LPP: variants seen among roughly 807,000 people sequenced by gnomAD.
LPP encodes lipoma-preferred partner.
In LPP, 38 loss-of-function variants were observed where a neutral mutation model predicts 60.4. That is an observed-to-expected ratio of 0.63 (90% CI 0.49 to 0.83). LPP has a LOEUF of 0.83. Among genes scored for constraint, LPP ranks in the 40% least tolerant of loss-of-function variants. The pLI is 0.00. For missense variants in LPP, 902 were observed against 783.6 expected (o/e 1.15, Z -1.80); for synonymous variants, 328 against 290.8 (o/e 1.13, Z -1.30).
chr3:188,584,173 C>T lies in LPP; in HGVS notation c.430-24988C>T, dbSNP rs138833526. 1.6e-3 allele frequency among the ~76,000 whole-genome samples: 247 copies of T among 152,246 alleles called. 3 individuals carry two copies. Among genetic ancestry groups the T allele is most frequent in the African/African-American group, 5.6e-3 (233 of 41,534 alleles). ...GACAAACATTCATGGAGAGCTACTT[C>T]ATTTTTCTGTCAAGCTTTTGGGGGA... On this transcript the variant is annotated intron_variant, in intron 6 of 11. Coordinates refer to ENST00000617246, the MANE Select transcript of LPP (RefSeq NM_001375462.1).
chr3:188,580,741 A>C (rs181828070), intron 6 of LPP, among the ~76,000 whole-genome samples: 71 of 152,348 alleles, frequency 4.7e-4, no homozygotes, highest in African/African-American at 1.6e-3. Flanking sequence ...ATAGTGCCAG[A>C]AAAACAGAAT....
chr3:188,209,872 A>G (rs1734241620), intron 1 of LPP, among the ~76,000 whole-genome samples: 1 of 152,232 alleles, frequency 6.6e-6, no homozygotes, highest in Non-Finnish European at 1.5e-5. Flanking sequence ...GCTTAGCAGT[A>G]ACACACTGGA....
chr3:188,829,010 G>A (rs954245203), intron 9 of LPP, among the ~76,000 whole-genome samples: 1 of 151,976 alleles, frequency 6.6e-6, no homozygotes, highest in Non-Finnish European at 1.5e-5. Context: ...ACTAGATTGT[G>A]ATCTTTTATC....
chr3:188,681,289 C>T (rs557158914), intron 7 of LPP, among the ~76,000 whole-genome samples: 3 of 152,268 alleles, frequency 2.0e-5, no homozygotes, highest in East Asian at 1.9e-4. Context: ...CCACCGCACC[C>T]GGCCGCATTT....
chr3:188,878,598 C>T lies in LPP; in HGVS notation c.*4119C>T, dbSNP rs942518569. The T allele has an allele frequency of 3.3e-5, 7 of 209,124 alleles. No homozygotes were observed. The highest frequency in any genetic ancestry group is 4.9e-5 in the Non-Finnish European group (5 of 102,630). The allele number at this position is 209,124 out of a possible 1,614,324, so 13.0% of individuals were successfully genotyped here. A position where few individuals can be genotyped will look rare whatever the true frequency, so the allele number is the denominator to read the frequency against. ...CTCAAGTCCATTTCTTGGGATCGCT[C>T]GTTTGGTGCACTCTCGTGGGAGACA... On this transcript the variant is annotated 3_prime_UTR_variant, in exon 12 of 12. Coordinates refer to ENST00000617246, the MANE Select transcript of LPP (RefSeq NM_001375462.1).
At chr3:188,592,557 G>GTTTGTTTTTGTTTTTTTTTTTTTT (rs1260656926) in intron 6 of LPP, among the ~76,000 whole-genome samples, 7 of 85,756 alleles carry the variant, frequency 8.2e-5, no homozygotes, top group African/African-American at 3.2e-4. Context: ...TTTTGTTTTT[G>GTTTGTTTTTGTTTTTTTTTTTTTT]TTTTTTAAAT....
At chr3:188,247,212 G>A (rs1324055887) in intron 2 of LPP, 2 of 979,762 alleles carry the variant, frequency 2.0e-6, no homozygotes, top group South Asian at 4.7e-5. Flanking sequence ...AGGGTTCTGT[G>A]AGTAGTACAA....
At chr3:188,444,883 A>C (rs1259613910) in intron 4 of LPP, among the ~76,000 whole-genome samples, 1 of 152,250 alleles carries the variant, frequency 6.6e-6, no homozygotes, top group African/African-American at 2.4e-5. Flanking sequence ...AATATGGAAA[A>C]AAAACCTCAC....
At chr3:188,441,826 G>A (rs1401496790) in intron 4 of LPP, among the ~76,000 whole-genome samples, 8 of 151,264 alleles carry the variant, frequency 5.3e-5, no homozygotes, top group Admixed American at 5.3e-4. Flanking sequence ...GGGTTTCACC[G>A]TGTTAGCCAG....
chr3:188,359,629 C>T (rs562056226), intron 3 of LPP, among the ~76,000 whole-genome samples: 1 of 152,262 alleles, frequency 6.6e-6, no homozygotes, highest in African/African-American at 2.4e-5. Context: ...CTCAACTACC[C>T]AGTGGAGTCA....
intron 6 of LPP, among the ~76,000 whole-genome samples, chr3:188,602,175 ATT>A (rs1491575763): frequency 5.4e-4 from 53 of 98,044 alleles, no homozygotes; most frequent in African/African-American, 1.6e-3. Flanking sequence ...ATATATATAT[ATT>A]ATATATATAT....
At chr3:188,223,918 T>A (rs1295053033) in intron 1 of LPP, among the ~76,000 whole-genome samples, 2 of 152,202 alleles carry the variant, frequency 1.3e-5, no homozygotes, top group African/African-American at 2.4e-5. Flanking sequence ...AGAATTCCAA[T>A]GTCCTTGAAG....
intron 2 of LPP, among the ~76,000 whole-genome samples, chr3:188,252,170 C>CATATATATATAT (rs10609191): frequency 4.2e-4 from 43 of 101,884 alleles, no homozygotes; most frequent in Admixed American, 1.3e-3. Flanking sequence ...CTTCCCCAAA[C>CATATATATATAT]ATATATATAT....
At chr3:188,428,395 CT>C (rs1415451658) in intron 4 of LPP, among the ~76,000 whole-genome samples, 1 of 152,048 alleles carries the variant, frequency 6.6e-6, no homozygotes, top group African/African-American at 2.4e-5. Flanking sequence ...TTTTCTTTTA[CT>C]TTGGGACTTG....
At chr3:188,697,722 A>C (rs4686993) in intron 7 of LPP, among the ~76,000 whole-genome samples, 147,268 of 152,278 alleles carry the variant, frequency 0.97, 71,361 homozygotes, top group Middle Eastern at 1. Context: ...ACTCAAATTA[A>C]TCATAATATC....
intron 4 of LPP, among the ~76,000 whole-genome samples, chr3:188,480,868 A>T (rs945974920): frequency 6.6e-6 from 1 of 152,172 alleles, no homozygotes; most frequent in African/African-American, 2.4e-5. Flanking sequence ...TTTCCTCCAG[A>T]AGGATCACCA....
chr3:188,250,247 C>T (rs1306524284), intron 2 of LPP, among the ~76,000 whole-genome samples: 20 of 152,188 alleles, frequency 1.3e-4, no homozygotes. Context: ...ATGGCATTGA[C>T]ACTTTTGTTC....
chr3:188,685,012 G>C (rs1225655101), intron 7 of LPP, among the ~76,000 whole-genome samples: 1 of 152,176 alleles, frequency 6.6e-6, no homozygotes, highest in African/African-American at 2.4e-5. Context: ...ACTGTTCCAT[G>C]TGTTTTCTTA....
intron 9 of LPP, among the ~76,000 whole-genome samples, chr3:188,812,807 CTGTA>C (rs937218938): frequency 2.0e-4 from 31 of 151,492 alleles, no homozygotes; most frequent in African/African-American, 7.5e-4. Flanking sequence ...CTGCAGCTTT[CTGTA>C]TGTGTGTGTG....
Sources: allele counts gnomAD v4.1 joint callset (sites outside exome capture counted in the v4.1 genomes callset), GRCh38; gene constraint gnomAD v4.1.1; transcripts MANE v1.5; gene names NCBI Gene and HGNC (gene_info 2026-07-23, HGNC 2026-07-21).